The following USP42 variants were observed in gnomAD, a reference collection of about 807,000 sequenced individuals.
USP42 encodes the protein ubiquitin carboxyl-terminal hydrolase 42.
USP42 carries 23 observed loss-of-function variants against 113.0 expected under a neutral mutation model. That is an observed-to-expected ratio of 0.20 (90% CI 0.15 to 0.29). The LOEUF (loss-of-function observed/expected upper bound fraction) is 0.29. Ranked by LOEUF, USP42 falls within the 10% of genes least tolerant of loss-of-function variation. The pLI is 1.00. For missense variants in USP42, 2,174 were observed against 1,779.8 expected, an observed-to-expected ratio of 1.22 and a Z score of -3.99; for synonymous variants, 933 against 699.0, an observed-to-expected ratio of 1.33 and a Z score of -5.28.
intron 4 of USP42, among the ~76,000 whole-genome samples, chr7:6,138,113 C>CA (rs1241672320): frequency 6.6e-6 from 1 of 152,178 alleles, no homozygotes; most frequent in African/African-American, 2.4e-5. Flanking sequence ...ATGAAGTTGT[C>CA]ACGTTTGTAG....
upstream of USP42, among the ~76,000 whole-genome samples, chr7:6,100,004 CTATTATTATTAT>C (rs1554332997): frequency 1.4e-5 from 2 of 144,290 alleles, no homozygotes; most frequent in East Asian, 4.1e-4. Context: ...TTTCACAAGT[CTATTATTATTAT>C]TATTATTATT....
At chr7:6,130,351 C>T (rs1780784957) in intron 3 of USP42, among the ~76,000 whole-genome samples, 1 of 152,220 alleles carries the variant, frequency 6.6e-6, no homozygotes, top group South Asian at 2.1e-4. Context: ...GTTCCTGCTC[C>T]CCACATGGTC....
At chr7:6,104,736 C>G (rs893921863), upstream of USP42, 1 of 152,204 alleles carries the variant, frequency 6.6e-6, no homozygotes, top group Non-Finnish European at 1.5e-5. Flanking sequence ...TCTGGTGACG[C>G]GCGACGTCTG....
chr7:6,092,471 G>A, the USP42 span, among the ~76,000 whole-genome samples: 4 of 150,986 alleles, frequency 2.6e-5, no homozygotes, highest in Non-Finnish European at 4.4e-5. Context: ...GCGCCACCAC[G>A]CCCGGCCTCA....
intron 3 of USP42, among the ~76,000 whole-genome samples, chr7:6,124,389 T>A (rs992730701): frequency 4.0e-5 from 6 of 151,864 alleles, no homozygotes; most frequent in African/African-American, 1.5e-4. Flanking sequence ...TGCCTCAGCC[T>A]CCCATGTAGC....
intron 3 of USP42, among the ~76,000 whole-genome samples, chr7:6,125,095 C>T (rs549000862): frequency 4.0e-5 from 6 of 150,682 alleles, no homozygotes; most frequent in East Asian, 2.0e-4. Flanking sequence ...GCAGGAGAAT[C>T]GCTTGATCCC....
chr7:6,115,279 T>A, intron 2 of USP42, 44 bp from the exon 3 acceptor site: 2 of 1,586,842 alleles, frequency 1.3e-6, no homozygotes, highest in Non-Finnish European at 1.7e-6. Flanking sequence ...TTAGCTTCAG[T>A]ATGCAAAGCT....
At chr7:6,086,598 C>G in the USP42 span, among the ~76,000 whole-genome samples, 9 of 150,894 alleles carry the variant, frequency 6.0e-5, 1 homozygote, top group South Asian at 4.1e-4. Flanking sequence ...GATCCACCCC[C>G]CTCAACCTCC....
intron 14 of USP42, 104 bp downstream of exon 14, chr7:6,150,610 A>G (rs1583674904): frequency 1.0e-6 from 1 of 971,816 alleles, no homozygotes; most frequent in East Asian, 2.5e-5. Context: ...TATAATGAAC[A>G]TTTTGAATCC....
At position 6,139,751 on chromosome 7, in the gene USP42, G is replaced by A. The variant is rs934114596; in HGVS notation, c.657-377G>A. On this transcript the variant is annotated intron_variant, in intron 5 of 17. Transcript: ENST00000306177. This position sits in a 1 kb window ranked among gnomAD's most constrained non-coding sequence, Gnocchi z 4.5. ...CGCCCTGTCTAGGACTTCATTGTCC[G>A]GGTGATGACATACTTGGGTCGGAGG... is the stretch of plus-strand genomic sequence containing the variant. The A allele has an allele frequency of 2.2e-5, 7 of 320,064 alleles. No homozygotes were observed. Among genetic ancestry groups the A allele is most frequent in the Middle Eastern group, 1.1e-3 (1 of 930 alleles). 19.8% of individuals were successfully genotyped at this position (320,064 alleles called of 1,614,324 possible).
At position 6,158,274 on chromosome 7, in the gene USP42, C is replaced by A. The variant is rs982918807; in HGVS notation, c.3944-1176C>A. Among the ~76,000 whole-genome samples, 2 of 152,176 alleles carry A rather than the reference C, an allele frequency of 1.3e-5. No individual in the cohort carries two copies. Among genetic ancestry groups the A allele is most frequent in the South Asian group, 4.1e-4 (2 of 4,832 alleles). On this transcript the variant is annotated intron_variant, in intron 16 of 17. Coordinates refer to ENST00000306177, the MANE Select transcript of USP42 (RefSeq NM_032172.3). This position sits in a 1 kb window ranked among gnomAD's most constrained non-coding sequence, Gnocchi z 4.2. The stretch of plus-strand genomic sequence containing the variant: ...TGAGTGGCTGCGGCAGGGCAGGGAC[C>A]GTGTGGCTCGCAAAGCGGAAAATGT...
chr7:6,098,219 A>G, the USP42 span, among the ~76,000 whole-genome samples: 763 of 149,934 alleles, frequency 5.1e-3, 43 homozygotes, highest in Non-Finnish European at 8.0e-3. Flanking sequence ...GCTTATTTCT[A>G]TTGTCAAATA....
chr7:6,146,987 G>A (rs1333455775), intron 11 of USP42, among the ~76,000 whole-genome samples: 1 of 152,250 alleles, frequency 6.6e-6, no homozygotes, highest in Non-Finnish European at 1.5e-5. Context: ...GCTCTGTCCT[G>A]TTGTGGCTGC....
intron 2 of USP42, among the ~76,000 whole-genome samples, chr7:6,113,629 GT>G (rs571459782): frequency 2.0e-5 from 3 of 147,346 alleles, no homozygotes; most frequent in Admixed American, 6.8e-5. Flanking sequence ...TTTTGTTTTT[GT>G]TTTTTTTTTG....
At chr7:6,109,609 G>A (rs1011687171) in intron 1 of USP42, among the ~76,000 whole-genome samples, 12 of 151,692 alleles carry the variant, frequency 7.9e-5, no homozygotes, top group Non-Finnish European at 1.2e-4. Flanking sequence ...GGCCAGGCTG[G>A]TCTCGAACTC....
chr7:6,092,037 TCTTC>T, the USP42 span, among the ~76,000 whole-genome samples: 1 of 112,102 alleles, frequency 8.9e-6, no homozygotes, highest in Non-Finnish European at 1.9e-5. Flanking sequence ...TTCTTCTTCT[TCTTC>T]TTCTTCTTCT....
chr7:6,113,167 T>G lies in USP42; in HGVS notation c.241+1793T>G, dbSNP rs1779694986. Among the ~76,000 whole-genome samples the G allele has an allele frequency of 2.6e-5, 4 of 152,154 alleles. No individual in the cohort carries two copies. In the South Asian group the frequency reaches 8.3e-4, roughly 32 times the overall value. On this transcript the variant is annotated intron_variant, in intron 2 of 17. Transcript: ENST00000306177. ...GCCTCGGCCTCCCAGAGTGCTGGGA[T>G]TACAGGTGTAGGCCACTGCACCCGG...
rs1164297228 is a variant in USP42, at chr7:6,155,089, C to T, written c.3535C>T (p.Arg1179Trp). Residue 1179 changes from arginine (R) to tryptophan (W), a missense_variant, in exon 15 of 18, where the codon CGG becomes TGG. By Grantham distance (101) the Arg-to-Trp change is moderately radical. Coordinates refer to ENST00000306177, the MANE Select transcript of USP42 (RefSeq NM_032172.3). ...NSDSHVEKKA[R>W]RSEQKDPLEE... ...TGACAGTCATGTTGAAAAGAAAGCC[C>T]GGAGGAGCGAACAGAAGGATCCTCT... The T allele has an allele frequency of 2.6e-6, 4 of 1,560,992 alleles. No individual in the cohort carries two copies. The highest frequency in any genetic ancestry group is 2.4e-5 in the East Asian group (1 of 41,562).
intron 15 of USP42, among the ~76,000 whole-genome samples, chr7:6,156,069 G>C (rs1246928461): frequency 6.6e-6 from 1 of 152,182 alleles, no homozygotes; most frequent in African/African-American, 2.4e-5. Context: ...AAGCTAAATT[G>C]GTTGGTGATT....
Sources: allele counts gnomAD v4.1 joint callset (sites outside exome capture counted in the v4.1 genomes callset), GRCh38; gene constraint gnomAD v4.1.1; non-coding constraint Gnocchi (gnomAD v3.1); transcripts MANE v1.5; gene names NCBI Gene and HGNC (gene_info 2026-07-23, HGNC 2026-07-21).